PCBP3: variants seen among roughly 807,000 people sequenced by gnomAD.
PCBP3 encodes poly(rC)-binding protein 3.
A neutral mutation model predicts 52.7 loss-of-function variants in PCBP3; 25 were observed. The ratio of observed to expected loss-of-function variants is 0.47; its 90% CI spans 0.35 to 0.66. The LOEUF is 0.66. Ranked by LOEUF, PCBP3 falls within the 30% of genes least tolerant of loss-of-function variation. PCBP3 has a pLI of 0.01. For missense variants in PCBP3, 391 were observed against 490.3 expected, an observed-to-expected ratio of 0.80 and a Z score of 1.91; for synonymous variants, 162 against 183.0, an observed-to-expected ratio of 0.89 and a Z score of 0.93.
At chr21:45,773,025 G>A (rs772178495) in intron 4 of PCBP3, among the ~76,000 whole-genome samples, 1 of 152,106 alleles carries the variant, frequency 6.6e-6, no homozygotes, top group East Asian at 1.9e-4. Context: ...TATTCAACAG[G>A]TTGTCTTTTC....
chr21:45,667,741 G>A (rs1008085393), intron 1 of PCBP3, among the ~76,000 whole-genome samples: 3 of 152,066 alleles, frequency 2.0e-5, no homozygotes, highest in Non-Finnish European at 2.9e-5. Context: ...ATGTGTCATA[G>A]TACTTTTTTG....
chr21:45,846,713 G>C (rs12482094), intron 4 of PCBP3, among the ~76,000 whole-genome samples: 1 of 151,998 alleles, frequency 6.6e-6, no homozygotes, highest in African/African-American at 2.4e-5. Context: ...ATATGGCTTC[G>C]CCGCGCACTG....
At chr21:45,857,516 C>T (rs1449589614) in intron 5 of PCBP3, among the ~76,000 whole-genome samples, 3 of 152,206 alleles carry the variant, frequency 2.0e-5, no homozygotes, top group Non-Finnish European at 4.4e-5. Flanking sequence ...ATTACCCAGC[C>T]TCAGGCATTC....
chr21:45,763,051 T>C (rs914241), intron 4 of PCBP3: 29,885 of 152,204 alleles, frequency 0.2, 3,181 homozygotes, highest in Middle Eastern at 0.33. Flanking sequence ...TTGCTGCTTG[T>C]TTAGGATTGA....
chr21:45,847,932 C>CT (rs1352298881), intron 4 of PCBP3, among the ~76,000 whole-genome samples: 4 of 152,172 alleles, frequency 2.6e-5, no homozygotes, highest in Non-Finnish European at 5.9e-5. Flanking sequence ...GAACTCCAGT[C>CT]TTTGTTTCTT....
intron 2 of PCBP3, among the ~76,000 whole-genome samples, chr21:45,691,778 A>G (rs768709583): frequency 2.0e-5 from 3 of 152,260 alleles, no homozygotes; most frequent in East Asian, 1.9e-4. Context: ...GAGGGATTCT[A>G]TGGGAGAAAA....
chr21:45,647,153 A>T (rs930566448), intron 1 of PCBP3, among the ~76,000 whole-genome samples: 1 of 152,156 alleles, frequency 6.6e-6, no homozygotes, highest in Non-Finnish European at 1.5e-5. Flanking sequence ...TGGATTGTTG[A>T]GGTGCTTTTT....
chr21:45,844,357 G>A (rs1017841112), intron 4 of PCBP3, among the ~76,000 whole-genome samples: 1 of 152,126 alleles, frequency 6.6e-6, no homozygotes, highest in African/African-American at 2.4e-5. Flanking sequence ...GGTGGCAGGG[G>A]TGGGTGGTGC....
chr21:45,683,050 G>A (rs117278485), intron 2 of PCBP3, among the ~76,000 whole-genome samples: 2,756 of 150,136 alleles, frequency 0.018, 41 homozygotes, highest in South Asian at 0.068. Context: ...AAAATACTGC[G>A]TGTCATCAAT....
intron 4 of PCBP3, among the ~76,000 whole-genome samples, chr21:45,764,882 G>A (rs1180450928): frequency 6.6e-6 from 1 of 152,224 alleles, no homozygotes; most frequent in East Asian, 1.9e-4. Flanking sequence ...CTGGGGCTAT[G>A]CCGGAGAAGC....
Position 45,748,643 on chromosome 21 carries a change from C to T in PCBP3, c.-161-6774C>T, listed in dbSNP as rs575648163. Among the ~76,000 whole-genome samples the T allele has an allele frequency of 8.5e-5, 13 of 152,366 alleles. No individual in the cohort carries two copies. The South Asian group carries it at 2.5e-3, about 29-fold the overall frequency. On this transcript the variant is annotated intron_variant, in intron 3 of 17. Transcript: ENST00000681687. Reference sequence around the variant, plus strand: ...CTGAACACGGCTGCATCCACATGTACCTTCTTTGCTGAGCTTGTGCCTCTG... The same window carrying T: ...CTGAACACGGCTGCATCCACATGTATCTTCTTTGCTGAGCTTGTGCCTCTG...
At chr21:45,757,606 GT>G (rs2088190343) in intron 4 of PCBP3, among the ~76,000 whole-genome samples, 1 of 152,144 alleles carries the variant, frequency 6.6e-6, no homozygotes, top group African/African-American at 2.4e-5. Flanking sequence ...CTAATCCGAG[GT>G]TATGGAGATG....
intron 5 of PCBP3, among the ~76,000 whole-genome samples, chr21:45,882,630 T>A (rs963248129): frequency 2.0e-5 from 3 of 152,198 alleles, no homozygotes; most frequent in African/African-American, 7.2e-5. Flanking sequence ...TTTCCCTGTG[T>A]TTTTTCTTAG....
intron 4 of PCBP3, among the ~76,000 whole-genome samples, chr21:45,794,802 G>T (rs910387794): frequency 7.9e-5 from 12 of 152,090 alleles, no homozygotes; most frequent in Non-Finnish European, 1.5e-4. Context: ...GGTGGCAGGT[G>T]CCTGTAGTCC....
chr21:45,752,409 T>C lies in PCBP3; in HGVS notation c.-161-3008T>C, dbSNP rs1164864761. Reference sequence around the variant, plus strand: ...GGATGTTTGCTCATTGATATTCAGCTTTTTAAAAATATAGATCAGCGTTTA... The same window carrying C: ...GGATGTTTGCTCATTGATATTCAGCCTTTTAAAAATATAGATCAGCGTTTA... On this transcript the variant is annotated intron_variant, in intron 3 of 17. Coordinates refer to ENST00000681687, the MANE Select transcript of PCBP3 (RefSeq NM_001384156.1). 2.6e-5 allele frequency among the ~76,000 whole-genome samples: 4 copies of C among 152,082 alleles called. No individual in the cohort carries two copies. In the East Asian group the frequency reaches 5.8e-4, roughly 22 times the overall value.
At chr21:45,939,751 T>C (rs2149601130) in intron 16 of PCBP3, among the ~76,000 whole-genome samples, 1 of 152,282 alleles carries the variant, frequency 6.6e-6, no homozygotes, top group East Asian at 1.9e-4. Context: ...CTGTGCCTCT[T>C]GGCTGGGTGG....
intron 4 of PCBP3, among the ~76,000 whole-genome samples, chr21:45,816,236 T>C (rs2092950420): frequency 6.6e-6 from 1 of 152,060 alleles, no homozygotes; most frequent in Non-Finnish European, 1.5e-5. Flanking sequence ...ATTTATGATA[T>C]AACAAAATTT....
chr21:45,824,160 G>A (rs2093239241), intron 4 of PCBP3, among the ~76,000 whole-genome samples: 1 of 152,184 alleles, frequency 6.6e-6, no homozygotes, highest in Admixed American at 6.5e-5. Context: ...TTGGGCAGGG[G>A]ATGTGCTGAG....
At chr21:45,902,616 C>T (rs1037692196) in intron 9 of PCBP3, among the ~76,000 whole-genome samples, 8 of 152,194 alleles carry the variant, frequency 5.3e-5, no homozygotes, top group Admixed American at 2.0e-4. Context: ...AACCCAGTCC[C>T]CGGATGGTGG....
Sources: allele counts gnomAD v4.1 joint callset (sites outside exome capture counted in the v4.1 genomes callset), GRCh38; gene constraint gnomAD v4.1.1; transcripts MANE v1.5; gene names NCBI Gene and HGNC (gene_info 2026-07-23, HGNC 2026-07-21).